CTTNBP2NL: variants seen among roughly 807,000 people sequenced by gnomAD.
CTTNBP2NL encodes CTTNBP2 N-terminal like, also known as CTTNBP2 N-terminal-like protein.
In CTTNBP2NL, 16 loss-of-function variants were observed where a neutral mutation model predicts 32.5. The observed-to-expected ratio is 0.49, with a 90% CI of 0.33 to 0.75. CTTNBP2NL has a LOEUF of 0.75. Among genes scored for constraint, CTTNBP2NL ranks in the 30% least tolerant of loss-of-function variants. CTTNBP2NL has a pLI of 0.02. For missense variants in CTTNBP2NL, 645 were observed against 756.0 expected, an observed-to-expected ratio of 0.85 and a Z score of 1.72; for synonymous variants, 298 against 289.4, an observed-to-expected ratio of 1.03 and a Z score of -0.30.
intron 2 of CTTNBP2NL, chr1:112,415,765 C>T (rs954378832): frequency 7.0e-5 from 15 of 214,828 alleles, no homozygotes; most frequent in Admixed American, 1.2e-4. Context: ...CCATGTTGGC[C>T]GGGATGGTCT....
At chr1:112,432,491 T>A (rs1273351820) in intron 3 of CTTNBP2NL, among the ~76,000 whole-genome samples, 6 of 152,172 alleles carry the variant, frequency 3.9e-5, no homozygotes, top group African/African-American at 1.4e-4. Context: ...CATATTATTG[T>A]ATTATTATTA....
chr1:112,406,498 T>C (rs1468713272), intron 1 of CTTNBP2NL, among the ~76,000 whole-genome samples: 1 of 152,206 alleles, frequency 6.6e-6, no homozygotes, highest in Non-Finnish European at 1.5e-5. Flanking sequence ...ATGCCTCAGG[T>C]TTCTCATCTG....
Position 112,456,993 on chromosome 1 carries a change from G to C in CTTNBP2NL, c.1501G>C (p.Ala501Pro), listed in dbSNP as rs1164541887. The C allele has an allele frequency of 6.2e-7, 1 of 1,614,068 alleles. No homozygotes were observed. Among genetic ancestry groups the C allele is most frequent in the Admixed American group, 1.7e-5 (1 of 60,008 alleles). ...LIDNSAAKQLARNTVTQVLSR... is the reference protein window; with the variant it reads ...LIDNSAAKQLPRNTVTQVLSR... ...AGACAACTCTGCCGCCAAGCAGCTG[G>C]CCCGAAACACAGTCACTCAGGTGCT... The change falls in exon 6 of 6, where the codon GCC (alanine) becomes CCC (proline). Residue 501 changes from alanine (A) to proline (P), a missense_variant. Ala to Pro is a conservative substitution (Grantham distance 27). Transcript: ENST00000271277.
At position 112,430,905 on chromosome 1, in the gene CTTNBP2NL, T is replaced by C. The variant is rs114038941; in HGVS notation, c.99+14641T>C. On this transcript the variant is annotated intron_variant, in intron 3 of 5. Transcript: ENST00000271277. ...GCCAGCTAGCTCTTAAAAATTATTG[T>C]CTGGCATCAGCTGTTTGCTGTATAA... 4.5e-3 allele frequency among the ~76,000 whole-genome samples: 685 copies of C among 152,318 alleles called. 5 individuals carry two copies. Among genetic ancestry groups the C allele is most frequent in the African/African-American group, 0.016 (656 of 41,566 alleles).
chr1:112,430,527 C>T lies in CTTNBP2NL; in HGVS notation c.99+14263C>T, dbSNP rs562603229. 5.0e-3 allele frequency among the ~76,000 whole-genome samples: 719 copies of T among 144,646 alleles called. 4 individuals carry two copies. The highest frequency in any genetic ancestry group is 0.017 in the African/African-American group (677 of 38,964). 94.9% of individuals were successfully genotyped at this position (144,646 alleles called of 152,430 possible). On this transcript the variant is annotated intron_variant, in intron 3 of 5. Coordinates refer to ENST00000271277, the MANE Select transcript of CTTNBP2NL (RefSeq NM_018704.3). ...TGCTGGGATTACAGGCGTGAGCCACCGCACCAGGCCATAGCTAGCTTTTTT... is the reference window on the plus strand; with the variant it reads ...TGCTGGGATTACAGGCGTGAGCCACTGCACCAGGCCATAGCTAGCTTTTTT...
At chr1:112,405,025 C>CCAT (rs1253592314) in intron 1 of CTTNBP2NL, among the ~76,000 whole-genome samples, 2 of 151,418 alleles carry the variant, frequency 1.3e-5, no homozygotes, top group East Asian at 3.9e-4. Flanking sequence ...CGAGGTTGCG[C>CCAT]CATTGCACTC....
At chr1:112,449,277 A>G (rs1310846286) in intron 4 of CTTNBP2NL, 105 bp downstream of exon 4, 1 of 629,948 alleles carries the variant, frequency 1.6e-6, no homozygotes, top group Non-Finnish European at 2.8e-6. Context: ...CAATTGGGAC[A>G]TCTCACGGGT....
At chr1:112,418,490 A>T (rs1307804726) in intron 3 of CTTNBP2NL, among the ~76,000 whole-genome samples, 1 of 152,158 alleles carries the variant, frequency 6.6e-6, no homozygotes, top group African/African-American at 2.4e-5. Context: ...TCTAATTGTT[A>T]TGGAGGGGAC....
chr1:112,392,420 T>C (rs1289550499), upstream of CTTNBP2NL, among the ~76,000 whole-genome samples: 1 of 152,242 alleles, frequency 6.6e-6, no homozygotes, highest in African/African-American at 2.4e-5. Flanking sequence ...AAATGATCTT[T>C]AGGAATTATT....
chr1:112,427,691 C>A (rs189479546), intron 3 of CTTNBP2NL, among the ~76,000 whole-genome samples: 1 of 152,128 alleles, frequency 6.6e-6, no homozygotes, highest in Non-Finnish European at 1.5e-5. Context: ...GTCAGGAGAT[C>A]GAGACCATCC....
intron 4 of CTTNBP2NL, among the ~76,000 whole-genome samples, chr1:112,452,937 A>T (rs111439244): frequency 0.014 from 2,042 of 148,968 alleles, 43 homozygotes; most frequent in African/African-American, 0.048. Flanking sequence ...AGCCTGGGCA[A>T]CATGGCGACA....
intron 3 of CTTNBP2NL, among the ~76,000 whole-genome samples, chr1:112,423,403 A>G (rs1331153448): frequency 6.6e-6 from 1 of 152,202 alleles, no homozygotes; most frequent in Non-Finnish European, 1.5e-5. Flanking sequence ...AAGATCATAC[A>G]TATGTTAATT....
At chr1:112,400,270 G>C (rs1648457940) in intron 1 of CTTNBP2NL, among the ~76,000 whole-genome samples, 2 of 152,196 alleles carry the variant, frequency 1.3e-5, no homozygotes, top group African/African-American at 4.8e-5. Flanking sequence ...TGTTCACTGT[G>C]TGATCCAGGG....
chr1:112,391,403 T>C (rs1557879959), upstream of CTTNBP2NL, among the ~76,000 whole-genome samples: 1 of 152,212 alleles, frequency 6.6e-6, no homozygotes, highest in African/African-American at 2.4e-5. Context: ...GCACTCAGCA[T>C]CTTAATAAGT....
At chr1:112,440,062 T>C (rs1649852988) in intron 3 of CTTNBP2NL, among the ~76,000 whole-genome samples, 1 of 152,204 alleles carries the variant, frequency 6.6e-6, no homozygotes, top group Admixed American at 6.5e-5. Flanking sequence ...CATAGTCACA[T>C]CTCTGTTCCC....
At chr1:112,419,709 A>G (rs1649166537) in intron 3 of CTTNBP2NL, among the ~76,000 whole-genome samples, 1 of 152,198 alleles carries the variant, frequency 6.6e-6, no homozygotes, top group Admixed American at 6.5e-5. Context: ...CATACATACT[A>G]ATAAGCCTGT....
At chr1:112,422,920 G>A (rs936105132) in intron 3 of CTTNBP2NL, among the ~76,000 whole-genome samples, 1 of 152,088 alleles carries the variant, frequency 6.6e-6, no homozygotes, top group Non-Finnish European at 1.5e-5. Flanking sequence ...AGCCTCCCCA[G>A]TAGCTGGAAC....
intron 3 of CTTNBP2NL, among the ~76,000 whole-genome samples, chr1:112,429,859 T>G (rs1369856953): frequency 6.6e-6 from 1 of 152,226 alleles, no homozygotes; most frequent in Non-Finnish European, 1.5e-5. Context: ...AAGTTGCCAC[T>G]GGTGAAGCCA....
At position 112,456,518 on chromosome 1, in the gene CTTNBP2NL, T is replaced by C. The variant is rs776718870; in HGVS notation, c.1026T>C (p.Ala342=). The part of the protein sequence containing the change: ...NTGLPGPATP[A]YSYAKTNGHC... Reference sequence around the variant, plus strand: ...GGCTGCCTGGTCCTGCCACTCCTGCTTACTCATATGCAAAAACCAATGGCC... The same window carrying C: ...GGCTGCCTGGTCCTGCCACTCCTGCCTACTCATATGCAAAAACCAATGGCC... Residue 342 remains alanine, a synonymous_variant, in exon 6 of 6, where the codon GCT becomes GCC. Coordinates refer to ENST00000271277, the MANE Select transcript of CTTNBP2NL (RefSeq NM_018704.3). 3.1e-6 allele frequency: 5 copies of C among 1,614,162 alleles called. No homozygotes were observed. The South Asian group carries it at 5.5e-5, about 18-fold the overall frequency.
Sources: allele counts gnomAD v4.1 joint callset (sites outside exome capture counted in the v4.1 genomes callset), GRCh38; gene constraint gnomAD v4.1.1; transcripts MANE v1.5; gene names NCBI Gene and HGNC (gene_info 2026-07-23, HGNC 2026-07-21).